CALN1: variants seen among roughly 807,000 people sequenced by gnomAD.
CALN1 encodes calcium-binding protein 8.
Under a neutral mutation model 30.6 loss-of-function variants are expected in CALN1, and 17 were observed. The observed-to-expected ratio is 0.56, with a 90% CI of 0.38 to 0.83. CALN1 has a LOEUF of 0.83. CALN1 is among the 40% of genes least tolerant of loss of function. The probability of loss-of-function intolerance (pLI) is 0.00; values close to 1 mark genes in which losing one functional copy is unlikely to be tolerated. For synonymous variants in CALN1, 156 were observed against 131.4 expected, an observed-to-expected ratio of 1.19 and a Z score of -1.28; for missense variants, 291 against 354.9, an observed-to-expected ratio of 0.82 and a Z score of 1.45.
intron 2 of CALN1, among the ~76,000 whole-genome samples, chr7:72,338,525 G>GTGTCTGTCTTTC (rs1554378747): frequency 3.3e-5 from 4 of 122,292 alleles, no homozygotes; most frequent in African/African-American, 1.3e-4. Context: ...GTGTGTGTGT[G>GTGTCTGTCTTTC]TGTCTCACCT....
chr7:72,432,541 C>T (rs988548412), intron 1 of CALN1, among the ~76,000 whole-genome samples: 1 of 152,180 alleles, frequency 6.6e-6, no homozygotes, highest in African/African-American at 2.4e-5. Flanking sequence ...TGAAAGAAAG[C>T]TCAGGGCCAC....
intron 3 of CALN1, among the ~76,000 whole-genome samples, chr7:72,158,935 C>T (rs1787909532): frequency 6.6e-6 from 1 of 152,146 alleles, no homozygotes; most frequent in Non-Finnish European, 1.5e-5. Context: ...TCACTGCAAC[C>T]TCTGCCTCCC....
At chr7:72,370,943 G>C (rs1249760946) in intron 2 of CALN1, among the ~76,000 whole-genome samples, 1 of 151,468 alleles carries the variant, frequency 6.6e-6, no homozygotes. Flanking sequence ...AGCCACTTGA[G>C]AGGCTGAGGC....
intron 5 of CALN1, among the ~76,000 whole-genome samples, chr7:71,982,150 T>C (rs1032897279): frequency 3.3e-5 from 5 of 152,212 alleles, no homozygotes; most frequent in African/African-American, 1.2e-4. Context: ...CAGATGCCTC[T>C]GGTCAGCCAA....
At chr7:72,021,242 T>C (rs1214023061) in intron 5 of CALN1, among the ~76,000 whole-genome samples, 1 of 151,874 alleles carries the variant, frequency 6.6e-6, no homozygotes, top group African/African-American at 2.4e-5. Flanking sequence ...ATCACTACCC[T>C]CCAGCCTAGG....
chr7:72,286,578 C>A (rs1798093580), intron 2 of CALN1, among the ~76,000 whole-genome samples: 1 of 152,340 alleles, frequency 6.6e-6, no homozygotes, highest in South Asian at 2.1e-4. Context: ...ACAAGAAGAT[C>A]TCATCTTACT....
intron 4 of CALN1, among the ~76,000 whole-genome samples, chr7:72,052,013 C>T (rs1309540400): frequency 6.6e-6 from 1 of 152,046 alleles, no homozygotes; most frequent in Non-Finnish European, 1.5e-5. Context: ...ATGTTGTTTT[C>T]TGTGTTCTGG....
chr7:71,926,817 T>C (rs1304202874), intron 5 of CALN1, among the ~76,000 whole-genome samples: 1 of 152,242 alleles, frequency 6.6e-6, no homozygotes, highest in East Asian at 1.9e-4. Flanking sequence ...ATCTCTGTTA[T>C]TGTATTTTTT....
Position 71,958,758 on chromosome 7 carries a change from G to A in CALN1, c.501+64899C>T, listed in dbSNP as rs562164988. 7.9e-5 allele frequency among the ~76,000 whole-genome samples: 12 copies of A among 152,312 alleles called. No individual in the cohort carries two copies. The South Asian group carries it at 2.5e-3, about 32-fold the overall frequency. ...CTAGCCACATTATGTGGTCTCTTCT[G>A]TTAGATTTCATGTTAGCTGCTTGTT... On this transcript the variant is annotated intron_variant, in intron 5 of 6. Transcript: ENST00000395275.
In CALN1 at chr7:71,786,058, C is replaced by T. The variant is rs2115808488; in HGVS notation, c.*1717G>A. ...ACAGAGGGAAAGTTTCTACAGCTGC[C>T]CTCAGGCTGTTGCCAGTAGCACTTG... is the stretch of plus-strand genomic sequence containing the variant. On this transcript the variant is annotated 3_prime_UTR_variant, in exon 7 of 7. Transcript: ENST00000395275. 6.5e-6 allele frequency: 1 copy of T among 152,768 alleles called. No homozygotes were observed. The highest frequency in any genetic ancestry group is 6.5e-5 in the Admixed American group (1 of 15,302). 9.5% of individuals were successfully genotyped at this position (152,768 alleles called of 1,614,324 possible).
At chr7:72,189,767 C>A (rs1454787704) in intron 3 of CALN1, among the ~76,000 whole-genome samples, 140 of 130,842 alleles carry the variant, frequency 1.1e-3, no homozygotes, top group South Asian at 1.6e-3. Flanking sequence ...GACTTTGTCT[C>A]AAAAAAAAAA....
intron 5 of CALN1, among the ~76,000 whole-genome samples, chr7:71,831,614 T>A (rs1789278968): frequency 6.6e-6 from 1 of 151,828 alleles, no homozygotes; most frequent in Non-Finnish European, 1.5e-5. Flanking sequence ...GGCTGGGCGT[T>A]GTGGTTCGCA....
chr7:72,187,865 A>G (rs1790314562), intron 3 of CALN1, among the ~76,000 whole-genome samples: 1 of 152,178 alleles, frequency 6.6e-6, no homozygotes, highest in South Asian at 2.1e-4. Flanking sequence ...GGGAGTCACA[A>G]TTTCTCATTT....
intron 3 of CALN1, among the ~76,000 whole-genome samples, chr7:72,227,477 T>C (rs898026430): frequency 2.7e-5 from 4 of 150,006 alleles, no homozygotes; most frequent in Non-Finnish European, 4.4e-5. Context: ...GAGGTAAAGA[T>C]TGCAGTGAGC....
At chr7:72,462,676 C>T in the CALN1 span, among the ~76,000 whole-genome samples, 1 of 152,246 alleles carries the variant, frequency 6.6e-6, no homozygotes, top group African/African-American at 2.4e-5. Flanking sequence ...CACGCAGGTT[C>T]ACCTGCCAGG....
chr7:72,180,047 C>T (rs1317969490), intron 3 of CALN1, among the ~76,000 whole-genome samples: 1 of 152,118 alleles, frequency 6.6e-6, no homozygotes, highest in Non-Finnish European at 1.5e-5. Flanking sequence ...CTCTAATGTG[C>T]CCCACCCTCC....
chr7:71,823,626 A>G (rs1325457184), intron 5 of CALN1, among the ~76,000 whole-genome samples: 3 of 152,136 alleles, frequency 2.0e-5, no homozygotes, highest in Admixed American at 6.6e-5. Context: ...ACTGAGGCAG[A>G]AGAATTGCTT....
intron 5 of CALN1, among the ~76,000 whole-genome samples, chr7:71,960,192 TAAA>T (rs140570260): frequency 1.3e-4 from 19 of 143,880 alleles, no homozygotes; most frequent in Admixed American, 6.9e-4. Context: ...TAAAATAAAA[TAAA>T]AAAATAAAAT....
At chr7:72,375,192 G>C (rs1434731205) in intron 2 of CALN1, among the ~76,000 whole-genome samples, 2 of 152,080 alleles carry the variant, frequency 1.3e-5, no homozygotes, top group Non-Finnish European at 2.9e-5. Context: ...GGCCCAGCTG[G>C]CTCTTTTCTC....
Sources: gnomAD v4.1 joint callset for allele counts (sites outside exome capture counted in the v4.1 genomes callset) on GRCh38, gnomAD v4.1.1 for gene constraint, MANE v1.5 for transcripts, NCBI Gene and HGNC (gene_info 2026-07-23, HGNC 2026-07-21) for gene names.